DNAI1: variants seen among roughly 807,000 people sequenced by gnomAD.
DNAI1 encodes the protein dynein axonemal intermediate chain 1.
In DNAI1, 67 loss-of-function variants were observed where a neutral mutation model predicts 92.0. That is an observed-to-expected ratio of 0.73 (90% CI 0.60 to 0.89). The LOEUF (loss-of-function observed/expected upper bound fraction) is 0.89. DNAI1 is among the 40% of genes least tolerant of loss of function. The pLI is 0.00. For missense variants in DNAI1, 839 were observed against 866.6 expected (o/e 0.97, Z 0.40); for synonymous variants, 323 against 319.6 (o/e 1.01, Z -0.11).
At chr9:34,465,941 C>G (rs1294861816) in intron 1 of DNAI1, among the ~76,000 whole-genome samples, 1 of 152,232 alleles carries the variant, frequency 6.6e-6, no homozygotes, top group Non-Finnish European at 1.5e-5. Flanking sequence ...TTGTCCTACT[C>G]ATAGAGTCAC....
intron 1 of DNAI1, among the ~76,000 whole-genome samples, chr9:34,482,865 G>A (rs1418701672): frequency 6.6e-6 from 1 of 152,266 alleles, no homozygotes; most frequent in East Asian, 1.9e-4. Context: ...TGGAGTGGGT[G>A]GGAGGCTCAG....
chr9:34,466,391 CTG>C (rs1049092787), intron 1 of DNAI1, among the ~76,000 whole-genome samples: 7 of 152,232 alleles, frequency 4.6e-5, no homozygotes, highest in Non-Finnish European at 7.3e-5. Context: ...TGGGAACAAA[CTG>C]GAGTGTATAT....
intron 1 of DNAI1, among the ~76,000 whole-genome samples, chr9:34,475,691 T>G (rs946071981): frequency 2.6e-5 from 4 of 152,180 alleles, no homozygotes; most frequent in African/African-American, 9.7e-5. Flanking sequence ...ATGAGGATAC[T>G]GAGGTTCAAA....
At chr9:34,464,903 G>A (rs931053980) in intron 1 of DNAI1, among the ~76,000 whole-genome samples, 1 of 152,164 alleles carries the variant, frequency 6.6e-6, no homozygotes, top group African/African-American at 2.4e-5. Context: ...CAGTATTTAA[G>A]GTTTGGATAG....
chr9:34,489,414 G>T lies in DNAI1; in HGVS notation c.353G>T (p.Gly118Val). The T allele has an allele frequency of 6.2e-7, 1 of 1,614,054 alleles. No homozygotes were observed. The highest frequency in any genetic ancestry group is 2.2e-5 in the East Asian group (1 of 44,872). ...GNLIPKDSDEGRRQHYRDELV... is the reference protein window; with the variant it reads ...GNLIPKDSDEVRRQHYRDELV... Reference sequence around the variant, plus strand: ...CTGATCCCCAAAGACTCAGATGAAGGACGGCGGCAGCATTACCGCGATGAA... The same window carrying T: ...CTGATCCCCAAAGACTCAGATGAAGTACGGCGGCAGCATTACCGCGATGAA... The change falls in exon 5 of 20, where the codon GGA becomes GTA. Residue 118 changes from glycine (G) to valine (V), a missense_variant. By Grantham distance (109) the Gly-to-Val change is moderately radical. Coordinates refer to ENST00000242317, the MANE Select transcript of DNAI1 (RefSeq NM_012144.4).
chr9:34,513,113 T>C lies in DNAI1; in HGVS notation c.1491T>C (p.Gly497=). The C allele has an allele frequency of 1.9e-6, 3 of 1,613,956 alleles. No individual in the cohort carries two copies. Among genetic ancestry groups the C allele is most frequent in the Non-Finnish European group, 2.5e-6 (3 of 1,179,834 alleles). ...VPEGLQLHPV[G]CGTAFDFHKE... ...CCTGCCCCTCCCTCTTTTCCCAAGGTTGTGGCACTGCCTTTGACTTCCACA... is the reference window on the plus strand; with the variant it reads ...CCTGCCCCTCCCTCTTTTCCCAAGGCTGTGGCACTGCCTTTGACTTCCACA... Residue 497 remains glycine, a splice_region_variant and synonymous_variant, in exon 16 of 20, where the codon GGT becomes GGC. Coordinates refer to ENST00000242317, the MANE Select transcript of DNAI1 (RefSeq NM_012144.4).
At chr9:34,512,237 G>C in intron 14 of DNAI1, 39 bp downstream of exon 14, 1 of 1,612,374 alleles carries the variant, frequency 6.2e-7, no homozygotes, top group Non-Finnish European at 8.5e-7. Context: ...GGGGTGATTG[G>C]GGAGGCAGGG....
At chr9:34,460,738 C>T (rs1005910594) in intron 1 of DNAI1, among the ~76,000 whole-genome samples, 1 of 152,216 alleles carries the variant, frequency 6.6e-6, no homozygotes, top group Non-Finnish European at 1.5e-5. Context: ...TCTAGGTTCA[C>T]TGCAACCTCC....
intron 1 of DNAI1, among the ~76,000 whole-genome samples, chr9:34,477,922 CTCTTTT>C (rs373070019): frequency 0.15 from 12,942 of 83,854 alleles, 401 homozygotes; most frequent in East Asian, 0.28. Context: ...CTCTCTCTCT[CTCTTTT>C]TTTTTTTTTT....
intron 1 of DNAI1, among the ~76,000 whole-genome samples, chr9:34,464,089 CT>C (rs1171148683): frequency 4.6e-5 from 7 of 152,170 alleles, no homozygotes; most frequent in African/African-American, 1.7e-4. Flanking sequence ...AATTAAACTA[CT>C]TTTTTTCATA....
chr9:34,467,440 TACACACAC>T (rs3039302), intron 1 of DNAI1, among the ~76,000 whole-genome samples: 25,144 of 137,316 alleles, frequency 0.18, 2,391 homozygotes, highest in East Asian at 0.32. Flanking sequence ...TCTACACAAA[TACACACAC>T]ACACACACAC....
At chr9:34,462,105 G>A (rs1823961486) in intron 1 of DNAI1, among the ~76,000 whole-genome samples, 1 of 152,142 alleles carries the variant, frequency 6.6e-6, no homozygotes, top group South Asian at 2.1e-4. Context: ...GTTCCTTGTT[G>A]CTTTCAGGAT....
chr9:34,496,532 T>C (rs548919278), intron 9 of DNAI1, among the ~76,000 whole-genome samples: 1 of 152,350 alleles, frequency 6.6e-6, no homozygotes, highest in South Asian at 2.1e-4. Flanking sequence ...AGCTTCCTGC[T>C]TTCTCATTGG....
chr9:34,459,036 A>C lies in DNAI1; in HGVS notation c.31A>C (p.Lys11Gln). 6.2e-7 allele frequency: 1 copy of C among 1,614,068 alleles called. No individual in the cohort carries two copies. The highest frequency in any genetic ancestry group is 8.5e-7 in the Non-Finnish European group (1 of 1,179,970). The change falls in exon 1 of 20, where the codon AAA (lysine) becomes CAA (glutamine). Residue 11 changes from lysine (K) to glutamine (Q), a missense_variant. Transcript: ENST00000242317. MIPASAKAPH[K>Q]QPHKQSISIG... ...TCCTGCTTCTGCGAAGGCTCCCCAT[A>C]AACAGCCTCATAAGCAGGTAACGTA...
intron 1 of DNAI1, among the ~76,000 whole-genome samples, chr9:34,476,531 G>A (rs531472744): frequency 6.6e-6 from 1 of 152,328 alleles, no homozygotes; most frequent in South Asian, 2.1e-4. Context: ...ATCCAAAAGT[G>A]TGCTAAGCCA....
chr9:34,510,815 A>G (rs1587088483), intron 13 of DNAI1, among the ~76,000 whole-genome samples: 1 of 152,062 alleles, frequency 6.6e-6, no homozygotes, highest in Non-Finnish European at 1.5e-5. Context: ...ACCTTTACAC[A>G]GAAGGAGAAG....
At chr9:34,520,007 C>T (rs1292674285) in intron 19 of DNAI1, among the ~76,000 whole-genome samples, 2 of 152,162 alleles carry the variant, frequency 1.3e-5, no homozygotes, top group African/African-American at 4.8e-5. Flanking sequence ...GGGTCATAAA[C>T]TCAGGATCTG....
At chr9:34,480,665 C>T (rs1052852771) in intron 1 of DNAI1, among the ~76,000 whole-genome samples, 12 of 152,030 alleles carry the variant, frequency 7.9e-5, no homozygotes, top group South Asian at 4.2e-4. Context: ...CACCTTTGGC[C>T]GGGTGCAGTG....
intron 1 of DNAI1, among the ~76,000 whole-genome samples, chr9:34,474,309 A>T (rs1252272714): frequency 6.6e-6 from 1 of 151,442 alleles, no homozygotes; most frequent in Non-Finnish European, 1.5e-5. Flanking sequence ...GTCTCAGCTT[A>T]CTGCAGCCTC....
Sources: allele counts gnomAD v4.1 joint callset (sites outside exome capture counted in the v4.1 genomes callset), GRCh38; gene constraint gnomAD v4.1.1; transcripts MANE v1.5; gene names NCBI Gene and HGNC (gene_info 2026-07-23, HGNC 2026-07-21).